The following DPP6 variants were observed in gnomAD, a reference collection of about 807,000 sequenced individuals.
DPP6 encodes A-type potassium channel modulatory protein DPP6.
A neutral mutation model predicts 122.6 loss-of-function variants in DPP6; 69 were observed. That is an observed-to-expected ratio of 0.56 (90% CI 0.46 to 0.69). The LOEUF is 0.69. DPP6 is among the 30% of genes least tolerant of loss of function. The pLI, the probability that DPP6 is intolerant of heterozygous loss-of-function variation, is 0.00. For missense variants in DPP6, 928 were observed against 1,116.9 expected (o/e 0.83, Z 2.41); for synonymous variants, 418 against 433.1 (o/e 0.97, Z 0.43).
chr7:153,782,007 C>A, the DPP6 span, among the ~76,000 whole-genome samples: 1 of 127,192 alleles, frequency 7.9e-6, no homozygotes, highest in Non-Finnish European at 1.7e-5. Flanking sequence ...CACACACACA[C>A]ACGCCTGACA....
chr7:154,151,681 C>G (rs1585497737), intron 1 of DPP6, among the ~76,000 whole-genome samples: 1 of 152,124 alleles, frequency 6.6e-6, no homozygotes, highest in East Asian at 1.9e-4. Flanking sequence ...GCGTGCACTT[C>G]CAGATGGCAT....
chr7:153,925,168 C>T (rs1045721338), intron 1 of DPP6, among the ~76,000 whole-genome samples: 1 of 152,186 alleles, frequency 6.6e-6, no homozygotes, highest in African/African-American at 2.4e-5. Flanking sequence ...GGTCCAGGAC[C>T]TTCTGAGTCA....
At chr7:154,812,379 A>G (rs1281014389) in intron 16 of DPP6, among the ~76,000 whole-genome samples, 3 of 152,144 alleles carry the variant, frequency 2.0e-5, no homozygotes, top group Non-Finnish European at 4.4e-5. Context: ...GTCTTAGTCC[A>G]TTTGGGCTGC....
At chr7:154,357,360 C>G (rs933027790) in intron 1 of DPP6, among the ~76,000 whole-genome samples, 9 of 150,390 alleles carry the variant, frequency 6.0e-5, no homozygotes, top group Non-Finnish European at 1.0e-4. Flanking sequence ...ACTTTGCTGT[C>G]CATTTTGTAA....
Position 154,063,611 on chromosome 7 carries a change from AC to A in DPP6, c.243+10554del, listed in dbSNP as rs1217037136. On this transcript the variant is annotated intron_variant, in intron 1 of 25. Coordinates refer to ENST00000377770, the MANE Select transcript of DPP6 (RefSeq NM_130797.4). The stretch of plus-strand genomic sequence containing the variant: ...GTACCCCCATCGCAGTGAGGGAGGC[AC>A]CCCCCACGAGGCAGGGACTGAGAGC... Among the ~76,000 whole-genome samples, 6 of 106,628 alleles carry A rather than the reference AC, an allele frequency of 5.6e-5. 1 individual carries two copies. Among genetic ancestry groups the A allele is most frequent in the Non-Finnish European group, 9.7e-5 (5 of 51,768 alleles). 70.0% of individuals were successfully genotyped at this position (106,628 alleles called of 152,430 possible). A position where few individuals can be genotyped will look rare whatever the true frequency, so the allele number is the denominator to read the frequency against.
intron 1 of DPP6, among the ~76,000 whole-genome samples, chr7:154,372,870 G>C (rs1456727539): frequency 3.3e-5 from 5 of 152,296 alleles, no homozygotes; most frequent in Non-Finnish European, 7.4e-5. Flanking sequence ...GGTGTGCTTG[G>C]TTACAGACCA....
chr7:153,795,777 A>T, the DPP6 span, among the ~76,000 whole-genome samples: 8 of 151,110 alleles, frequency 5.3e-5, no homozygotes, highest in African/African-American at 1.9e-4. Context: ...ACTCCCTCAA[A>T]ATTAATGTGG....
At chr7:154,767,415 G>A (rs1023207292) in intron 8 of DPP6, among the ~76,000 whole-genome samples, 5 of 152,104 alleles carry the variant, frequency 3.3e-5, no homozygotes, top group African/African-American at 7.2e-5. Flanking sequence ...CATTCCAAGC[G>A]AGCAGCCTGG....
chr7:154,225,970 A>G (rs777083580), intron 1 of DPP6, among the ~76,000 whole-genome samples: 1 of 151,900 alleles, frequency 6.6e-6, no homozygotes, highest in Non-Finnish European at 1.5e-5. Context: ...CATGTTACCC[A>G]CTTTTGATGA....
In DPP6 at chr7:154,003,974, G is replaced by GT. The variant is rs146867761; in HGVS notation, c.51+116241dup. On this transcript the variant is annotated intron_variant, in intron 1 of 25. Coordinates refer to the DPP6 transcript ENST00000404039. ...TAACTGCAATGTACACAGACTGTAAGTAAAGGGAACCATGAAGAATTGAGG... is the reference window on the plus strand; with the variant it reads ...TAACTGCAATGTACACAGACTGTAAGTTAAAGGGAACCATGAAGAATTGAGG... 5.2e-3 allele frequency among the ~76,000 whole-genome samples: 788 copies of GT among 152,322 alleles called. 4 individuals are homozygous for GT. The highest frequency in any genetic ancestry group is 0.018 in the African/African-American group (767 of 41,564).
chr7:154,113,636 G>A (rs1035103055), intron 1 of DPP6, among the ~76,000 whole-genome samples: 1 of 150,988 alleles, frequency 6.6e-6, no homozygotes, highest in Non-Finnish European at 1.5e-5. Flanking sequence ...TGTGCTTTTG[G>A]TGTCATATCC....
the DPP6 span, among the ~76,000 whole-genome samples, chr7:153,815,104 G>A: frequency 1.3e-5 from 2 of 152,136 alleles, no homozygotes; most frequent in Non-Finnish European, 2.9e-5. Flanking sequence ...GGAAGTTCTG[G>A]CCAGGGCAAT....
chr7:154,792,594 G>C (rs1387311142), intron 10 of DPP6, among the ~76,000 whole-genome samples: 2 of 152,228 alleles, frequency 1.3e-5, no homozygotes, highest in African/African-American at 4.8e-5. Context: ...CAGTGCCAGG[G>C]CCAGGATGGA....
intron 1 of DPP6, among the ~76,000 whole-genome samples, chr7:154,414,142 A>G (rs903182307): frequency 2.0e-5 from 3 of 152,158 alleles, no homozygotes; most frequent in African/African-American, 7.2e-5. Flanking sequence ...TTGCTCTTCA[A>G]TCGGCCATCA....
chr7:153,904,272 G>A (rs531483434), intron 1 of DPP6, among the ~76,000 whole-genome samples: 22 of 152,034 alleles, frequency 1.4e-4, no homozygotes, highest in Non-Finnish European at 2.2e-4. Context: ...GGCTGGTCTC[G>A]AACTCCTGAG....
intron 5 of DPP6, among the ~76,000 whole-genome samples, chr7:154,571,526 G>GA (rs1346129049): frequency 1.3e-5 from 2 of 152,134 alleles, no homozygotes; most frequent in Non-Finnish European, 2.9e-5. Flanking sequence ...AGACCTAAGA[G>GA]AAAAATATTC....
chr7:153,888,337 C>G (rs1305916237), intron 1 of DPP6, among the ~76,000 whole-genome samples: 1 of 152,214 alleles, frequency 6.6e-6, no homozygotes, highest in Non-Finnish European at 1.5e-5. Flanking sequence ...GCACTTCGTC[C>G]CCCAGGAGGG....
chr7:154,648,094 TAAA>T (rs67145418), intron 6 of DPP6, among the ~76,000 whole-genome samples: 2 of 146,538 alleles, frequency 1.4e-5, no homozygotes, highest in Non-Finnish European at 1.5e-5. Flanking sequence ...CTATTAAAAT[TAAA>T]AAAAAAAAAA....
chr7:154,849,716 G>T (rs1439602872), intron 16 of DPP6, among the ~76,000 whole-genome samples: 1 of 152,206 alleles, frequency 6.6e-6, no homozygotes, highest in East Asian at 1.9e-4. Context: ...GAATAAAAGT[G>T]GTGAGAGTGG....
Sources: allele counts gnomAD v4.1 joint callset (sites outside exome capture counted in the v4.1 genomes callset), GRCh38; gene constraint gnomAD v4.1.1; transcripts MANE v1.5; gene names NCBI Gene and HGNC (gene_info 2026-07-23, HGNC 2026-07-21).